SH3KBP1: variants seen among roughly 807,000 people sequenced by gnomAD.
SH3KBP1 encodes SH3 domain containing kinase binding protein 1.
SH3KBP1 carries 8 observed loss-of-function variants against 50.1 expected under a neutral mutation model. That is an observed-to-expected ratio of 0.16 (90% CI 0.09 to 0.29). The LOEUF (loss-of-function observed/expected upper bound fraction) is 0.29, where lower values mean the gene tolerates loss of function less well. Among genes scored for constraint, SH3KBP1 ranks in the 10% least tolerant of loss-of-function variants. The pLI, the probability that SH3KBP1 is intolerant of heterozygous loss-of-function variation, is 1.00. For missense variants in SH3KBP1, 377 were observed against 535.2 expected (o/e 0.70, Z 2.92); for synonymous variants, 227 against 218.6 (o/e 1.04, Z -0.34).
chrX:19,547,498 T>G (rs764753139), intron 14 of SH3KBP1, among the ~76,000 whole-genome samples: 2 of 112,346 alleles, frequency 1.8e-5, no homozygotes, highest in Non-Finnish European at 3.8e-5. Flanking sequence ...ATTTTTCAAT[T>G]TAACAGGTTT....
chrX:19,788,288 A>AC (rs1556375440), intron 2 of SH3KBP1, among the ~76,000 whole-genome samples: 1 of 105,632 alleles, frequency 9.5e-6, no homozygotes, highest in African/African-American at 3.5e-5. Flanking sequence ...AAAAAAAACA[A>AC]AAAAAAAAAA....
chrX:19,809,392 C>T (rs775987180), intron 2 of SH3KBP1, among the ~76,000 whole-genome samples: 37 of 110,467 alleles, frequency 3.3e-4, no homozygotes, highest in African/African-American at 9.6e-4. Flanking sequence ...GGTGTGGTGG[C>T]GTGCACCTGT....
chrX:19,605,988 T>C, intron 9 of SH3KBP1, among the ~76,000 whole-genome samples: 2 of 112,122 alleles, frequency 1.8e-5, no homozygotes, highest in Non-Finnish European at 3.8e-5. Flanking sequence ...GATAACTGTG[T>C]TGATTTGATG....
intron 3 of SH3KBP1, among the ~76,000 whole-genome samples, chrX:19,713,085 T>C (rs2063817834): frequency 1.8e-5 from 2 of 109,542 alleles, no homozygotes; most frequent in African/African-American, 6.7e-5. Flanking sequence ...TAGCCAGGCA[T>C]GGTGGCGCAC....
intron 4 of SH3KBP1, among the ~76,000 whole-genome samples, chrX:19,700,939 T>C (rs1006967414): frequency 7.1e-5 from 8 of 112,213 alleles, no homozygotes; most frequent in Non-Finnish European, 1.5e-4. Context: ...CTATTCTACA[T>C]GAGAGGCGGC....
chrX:19,776,532 GTTTTTTTTTTTTT>G (rs72090569), intron 2 of SH3KBP1, among the ~76,000 whole-genome samples: 2 of 25,681 alleles, frequency 7.8e-5, no homozygotes, highest in African/African-American at 3.4e-4. Context: ...TGACAACCTG[GTTTTTTTTTTTTT>G]TTTTTTTTTT....
At chrX:19,630,579 G>A (rs1230719636) in intron 8 of SH3KBP1, among the ~76,000 whole-genome samples, 1 of 111,745 alleles carries the variant, frequency 8.9e-6, no homozygotes, top group African/African-American at 3.3e-5. Flanking sequence ...AACTTCAGGG[G>A]AGAATACTTT....
At chrX:19,789,210 G>A (rs2066458782) in intron 2 of SH3KBP1, among the ~76,000 whole-genome samples, 1 of 111,344 alleles carries the variant, frequency 9.0e-6, no homozygotes, top group African/African-American at 3.3e-5. Context: ...AGGGAAGGGG[G>A]TGGTGATTTC....
chrX:19,872,677 G>A (rs1383873767), intron 1 of SH3KBP1, among the ~76,000 whole-genome samples: 4 of 110,100 alleles, frequency 3.6e-5, no homozygotes, highest in Non-Finnish European at 3.8e-5. Context: ...TCGGGAGGCT[G>A]AGGCAGGAGA....
chrX:19,588,940 C>A (rs2066654534), intron 11 of SH3KBP1, 138 bp from the exon 12 acceptor site: 1 of 513,805 alleles, frequency 1.9e-6, no homozygotes, highest in African/African-American at 2.4e-5. Flanking sequence ...GCCAAGAGCA[C>A]CACTTATTCT....
chrX:19,777,101 A>G (rs1378871857), intron 2 of SH3KBP1, among the ~76,000 whole-genome samples: 1 of 111,444 alleles, frequency 9.0e-6, no homozygotes, highest in Non-Finnish European at 1.9e-5. Flanking sequence ...GTTGTCTTTA[A>G]GCCTTTGAGG....
intron 2 of SH3KBP1, among the ~76,000 whole-genome samples, chrX:19,776,843 T>C: frequency 9.0e-6 from 1 of 110,508 alleles, no homozygotes; most frequent in Non-Finnish European, 1.9e-5. Flanking sequence ...TGTGAGCCAC[T>C]GCACCCAGCT....
intron 12 of SH3KBP1, among the ~76,000 whole-genome samples, chrX:19,571,827 T>A (rs977837021): frequency 1.8e-5 from 2 of 109,067 alleles, no homozygotes; most frequent in African/African-American, 6.7e-5. Flanking sequence ...GAACTCTACT[T>A]GGCTTTTTTT....
At chrX:19,619,665 C>G (rs2067744142) in intron 8 of SH3KBP1, among the ~76,000 whole-genome samples, 1 of 110,889 alleles carries the variant, frequency 9.0e-6, no homozygotes, top group Non-Finnish European at 1.9e-5. Context: ...GCCTATAATC[C>G]CAGCTATTTG....
intron 8 of SH3KBP1, among the ~76,000 whole-genome samples, chrX:19,608,551 C>T (rs749129666): frequency 5.4e-5 from 6 of 111,298 alleles, no homozygotes; most frequent in Admixed American, 9.5e-5. Flanking sequence ...TCAGGTGATC[C>T]GCCCGCCTTG....
At chrX:19,570,576 A>T (rs780510093) in intron 12 of SH3KBP1, among the ~76,000 whole-genome samples, 4 of 111,555 alleles carry the variant, frequency 3.6e-5, no homozygotes, top group African/African-American at 9.8e-5. Context: ...AGACCTGTAT[A>T]CCTGGAGGTC....
intron 1 of SH3KBP1, among the ~76,000 whole-genome samples, chrX:19,839,798 C>T (rs1490077406): frequency 8.9e-6 from 1 of 111,760 alleles, no homozygotes; most frequent in Non-Finnish European, 1.9e-5. Flanking sequence ...CCCCTGAATG[C>T]CTTCTGGGTA....
chrX:19,548,353 G>T (rs1195786917), intron 14 of SH3KBP1, among the ~76,000 whole-genome samples: 1 of 111,297 alleles, frequency 9.0e-6, no homozygotes, highest in East Asian at 2.8e-4. Context: ...AATGATGAAG[G>T]ATTTACAGAG....
intron 5 of SH3KBP1, among the ~76,000 whole-genome samples, chrX:19,686,537 A>G (rs1321219632): frequency 1.8e-5 from 2 of 110,893 alleles, no homozygotes; most frequent in Non-Finnish European, 3.8e-5. Context: ...CACTGGTGTA[A>G]CTTCCAGACA....
Sources: gnomAD v4.1 joint callset for allele counts (sites outside exome capture counted in the v4.1 genomes callset) on GRCh38, gnomAD v4.1.1 for gene constraint, MANE v1.5 for transcripts, NCBI Gene and HGNC (gene_info 2026-07-23, HGNC 2026-07-21) for gene names.